The following MAPKAP1 variants were observed in gnomAD, a reference collection of about 807,000 sequenced individuals.
MAPKAP1 encodes the protein target of rapamycin complex 2 subunit MAPKAP1.
A neutral mutation model predicts 65.7 loss-of-function variants in MAPKAP1; 20 were observed. The observed-to-expected ratio is 0.30, with a 90% CI of 0.21 to 0.44. The LOEUF is 0.44. Among genes scored for constraint, MAPKAP1 ranks in the 20% least tolerant of loss-of-function variants. MAPKAP1 has a pLI of 1.00. For synonymous variants in MAPKAP1, 222 were observed against 244.3 expected (o/e 0.91, Z 0.85); for missense variants, 423 against 648.0 (o/e 0.65, Z 3.77).
chr9:125,557,086 T>C (rs1331545451), intron 6 of MAPKAP1, among the ~76,000 whole-genome samples: 1 of 152,112 alleles, frequency 6.6e-6, no homozygotes. Context: ...ATGGGAGTAA[T>C]TCAGGATCAA....
At chr9:125,442,027 G>A (rs1852505426) in intron 11 of MAPKAP1, among the ~76,000 whole-genome samples, 1 of 150,494 alleles carries the variant, frequency 6.6e-6, no homozygotes, top group African/African-American at 2.5e-5. Context: ...TACTCGGGAA[G>A]CTGAGGCAGG....
chr9:125,654,392 C>T (rs1833974655), intron 4 of MAPKAP1, among the ~76,000 whole-genome samples: 1 of 152,192 alleles, frequency 6.6e-6, no homozygotes, highest in Non-Finnish European at 1.5e-5. Context: ...TGCCCTAAAA[C>T]TGCTTGGCCA....
At chr9:125,684,574 C>A in intron 1 of MAPKAP1, among the ~76,000 whole-genome samples, 1 of 152,170 alleles carries the variant, frequency 6.6e-6, no homozygotes, top group East Asian at 1.9e-4. Context: ...CTTAAACCTT[C>A]TAAGGGCTAA....
At chr9:125,631,091 T>G (rs1833266594) in intron 4 of MAPKAP1, among the ~76,000 whole-genome samples, 1 of 149,986 alleles carries the variant, frequency 6.7e-6, no homozygotes, top group South Asian at 2.1e-4. Context: ...AGTGAGATCC[T>G]GTCTCAAAAA....
intron 10 of MAPKAP1, among the ~76,000 whole-genome samples, chr9:125,464,754 A>G (rs1334052330): frequency 6.6e-6 from 1 of 152,170 alleles, no homozygotes; most frequent in Non-Finnish European, 1.5e-5. Flanking sequence ...GTCCCGCAGT[A>G]TGTGTAATTA....
intron 3 of MAPKAP1, among the ~76,000 whole-genome samples, chr9:125,668,389 C>T (rs139260887): frequency 3.9e-5 from 6 of 152,136 alleles, no homozygotes; most frequent in African/African-American, 9.7e-5. Context: ...TAGTAGAGCA[C>T]GAGGTAGAGG....
intron 6 of MAPKAP1, among the ~76,000 whole-genome samples, chr9:125,545,214 C>T (rs1291126860): frequency 6.6e-6 from 1 of 152,108 alleles, no homozygotes; most frequent in Admixed American, 6.5e-5. Context: ...TTTTACTGAT[C>T]AAAGCAAAAT....
chr9:125,564,488 A>G (rs1830988896), intron 5 of MAPKAP1, among the ~76,000 whole-genome samples: 1 of 152,120 alleles, frequency 6.6e-6, no homozygotes, highest in Non-Finnish European at 1.5e-5. Context: ...ATTGTGCACA[A>G]TTTAGAAATT....
At chr9:125,504,012 C>T (rs763320955) in intron 8 of MAPKAP1, among the ~76,000 whole-genome samples, 1 of 149,874 alleles carries the variant, frequency 6.7e-6, no homozygotes, top group East Asian at 2.0e-4. Flanking sequence ...GCTGGGATTA[C>T]AGGCAAGAGC....
chr9:125,478,989 G>A (rs1051781200), intron 9 of MAPKAP1, among the ~76,000 whole-genome samples: 2 of 152,142 alleles, frequency 1.3e-5, no homozygotes, highest in African/African-American at 4.8e-5. Flanking sequence ...AGAGCAGTTA[G>A]GCTCAGGACT....
chr9:125,554,450 C>G (rs186692019), intron 6 of MAPKAP1, among the ~76,000 whole-genome samples: 1 of 152,302 alleles, frequency 6.6e-6, no homozygotes, highest in East Asian at 1.9e-4. Context: ...GAGTCCTGGA[C>G]AAACCATCAC....
intron 3 of MAPKAP1, among the ~76,000 whole-genome samples, chr9:125,662,792 A>C (rs542084560): frequency 1.3e-5 from 2 of 151,982 alleles, no homozygotes; most frequent in Non-Finnish European, 2.9e-5. Flanking sequence ...AAATAATTTT[A>C]AATGATATAG....
At chr9:125,572,514 C>T (rs951389849) in intron 5 of MAPKAP1, among the ~76,000 whole-genome samples, 3 of 152,208 alleles carry the variant, frequency 2.0e-5, no homozygotes, top group Non-Finnish European at 4.4e-5. Flanking sequence ...GTTTCAAGAA[C>T]TATGGTACAC....
At chr9:125,562,590 TA>T (rs1247591099) in intron 5 of MAPKAP1, among the ~76,000 whole-genome samples, 1 of 152,180 alleles carries the variant, frequency 6.6e-6, no homozygotes, top group East Asian at 1.9e-4. Context: ...GAATCATTAG[TA>T]AAAGAAGCTA....
intron 11 of MAPKAP1, among the ~76,000 whole-genome samples, chr9:125,441,955 G>A (rs1324293138): frequency 5.9e-5 from 9 of 151,802 alleles, no homozygotes; most frequent in Non-Finnish European, 1.2e-4. Context: ...GTGAAACCCC[G>A]TTCTCTACTA....
intron 5 of MAPKAP1, chr9:125,568,636 G>A (rs1305485557): frequency 6.6e-6 from 1 of 152,338 alleles, no homozygotes; most frequent in African/African-American, 2.4e-5. Context: ...GGGCCCATCT[G>A]AGGGCAAATT....
At chr9:125,526,084 G>A (rs1829758469) in intron 7 of MAPKAP1, among the ~76,000 whole-genome samples, 1 of 152,222 alleles carries the variant, frequency 6.6e-6, no homozygotes, top group African/African-American at 2.4e-5. Flanking sequence ...AAAGGTGGCA[G>A]TGGTGCAGCA....
intron 2 of MAPKAP1, among the ~76,000 whole-genome samples, chr9:125,671,244 C>G (rs1834489279): frequency 6.6e-6 from 1 of 152,124 alleles, no homozygotes; most frequent in Non-Finnish European, 1.5e-5. Flanking sequence ...GACAAAAGTT[C>G]CTTTAGATAC....
chr9:125,619,953 T>C (rs1010192447), intron 4 of MAPKAP1, among the ~76,000 whole-genome samples: 3 of 152,142 alleles, frequency 2.0e-5, no homozygotes, highest in Non-Finnish European at 4.4e-5. Context: ...ACAATACCCC[T>C]GTCAAGATTC....
Sources: gnomAD v4.1 joint callset for allele counts (sites outside exome capture counted in the v4.1 genomes callset) on GRCh38, gnomAD v4.1.1 for gene constraint, MANE v1.5 for transcripts, NCBI Gene and HGNC (gene_info 2026-07-23, HGNC 2026-07-21) for gene names.